CCN4: variants seen among roughly 807,000 people sequenced by gnomAD.
The protein encoded by CCN4 is cellular communication network factor 4, also known as CCN family member 4.
A neutral mutation model predicts 36.7 loss-of-function variants in CCN4; 30 were observed. The ratio of observed to expected loss-of-function variants is 0.82; its 90% CI spans 0.61 to 1.11. The LOEUF is 1.11. Among genes scored for constraint, CCN4 ranks in the 50% least tolerant of loss-of-function variants. The pLI is 0.00. For missense variants in CCN4, 505 were observed against 504.9 expected, an observed-to-expected ratio of 1.00 and a Z score of 0.00; for synonymous variants, 191 against 195.4, an observed-to-expected ratio of 0.98 and a Z score of 0.19.
In CCN4 at chr8:133,225,601, G is replaced by A. The variant is rs776319095; in HGVS notation, c.804+18G>A. 6 of 1,551,736 alleles carry A rather than the reference G, an allele frequency of 3.9e-6. No individual in the cohort carries two copies. The highest frequency in any genetic ancestry group is 5.3e-6 in the Non-Finnish European group (6 of 1,140,990). The stretch of plus-strand genomic sequence containing the variant: ...TCATTAAGGTGGGTCCAGAGCAGGT[G>A]TGGATGTCTAGACTTCACAAGCAGA... On this transcript the variant is annotated intron_variant, in intron 4 of 4. Transcript: ENST00000250160.
At chr8:133,208,685 C>T (rs1225283951) in intron 1 of CCN4, among the ~76,000 whole-genome samples, 1 of 152,126 alleles carries the variant, frequency 6.6e-6, no homozygotes, top group African/African-American at 2.4e-5. Flanking sequence ...GGTACCCTCT[C>T]CTGCTTCCTC....
chr8:133,195,415 G>C (rs1853343102), intron 1 of CCN4, among the ~76,000 whole-genome samples: 1 of 151,928 alleles, frequency 6.6e-6, no homozygotes, highest in African/African-American at 2.4e-5. Flanking sequence ...CAAGTGTATG[G>C]CAAAATATCC....
intron 3 of CCN4, among the ~76,000 whole-genome samples, chr8:133,224,676 T>C (rs1018357810): frequency 1.3e-5 from 2 of 152,158 alleles, no homozygotes; most frequent in African/African-American, 4.8e-5. Flanking sequence ...GGCTTATGCC[T>C]GTAATCCCAA....
chr8:133,194,484 G>A (rs1188239487), intron 1 of CCN4, among the ~76,000 whole-genome samples: 1 of 106,472 alleles, frequency 9.4e-6, no homozygotes, highest in Non-Finnish European at 1.9e-5. Flanking sequence ...TGTGTGTGGT[G>A]GGGGGTGTGG....
Position 133,213,077 on chromosome 8 carries a change from C to G in CCN4, c.283C>G (p.Pro95Ala). The change falls in exon 2 of 5, where the codon CCC becomes GCC. Residue 95 changes from proline (P) to alanine (A), a missense_variant. Physicochemically the swap from Pro to Ala is conservative, Grantham distance 27. Coordinates refer to ENST00000250160, the MANE Select transcript of CCN4 (RefSeq NM_003882.4). Reference protein sequence around the residue: ...DNCTEAAICDPHRGLYCDYSG... With the variant: ...DNCTEAAICDAHRGLYCDYSG... ...CTGCACGGAGGCTGCCATCTGTGAC[C>G]CCCACCGGGGCCTCTACTGTGACTA... 6.2e-7 allele frequency: 1 copy of G among 1,614,114 alleles called. No homozygotes were observed. The highest frequency in any genetic ancestry group is 8.5e-7 in the Non-Finnish European group (1 of 1,179,966).
At chr8:133,195,032 G>T (rs1450196058) in intron 1 of CCN4, among the ~76,000 whole-genome samples, 4 of 146,794 alleles carry the variant, frequency 2.7e-5, no homozygotes, top group Non-Finnish European at 6.0e-5. Flanking sequence ...TGGTATGCGT[G>T]TGTATGCATG....
intron 1 of CCN4, among the ~76,000 whole-genome samples, chr8:133,210,623 T>C (rs1266973340): frequency 7.6e-6 from 1 of 131,716 alleles, no homozygotes; most frequent in Middle Eastern, 3.4e-3. Context: ...GCAGGCAAGA[T>C]TTTTTTTGGC....
rs1254727354 is a variant in CCN4, at chr8:133,212,854, C to T, written c.70-10C>T. ...AGCAGCCCCCCTTTCCCTCTGCCCT[C>T]CCCCCGCAGGCCCTCTCTCCAGCCC... is the stretch of plus-strand genomic sequence containing the variant. On this transcript the variant is annotated splice_polypyrimidine_tract_variant and intron_variant, in intron 1 of 4. Transcript: ENST00000250160. 4 of 1,553,556 alleles carry T rather than the reference C, an allele frequency of 2.6e-6. No homozygotes were observed. Among genetic ancestry groups the T allele is most frequent in the East Asian group, 4.7e-5 (2 of 42,952 alleles).
chr8:133,194,855 G>T (rs1208894841), intron 1 of CCN4, among the ~76,000 whole-genome samples: 4 of 145,122 alleles, frequency 2.8e-5, no homozygotes, highest in Admixed American at 2.7e-4. Context: ...TGGTGTGTGT[G>T]TTGAGTGTGT....
chr8:133,231,381 AT>A lies in CCN4; in HGVS notation c.*3676del, dbSNP rs974971347. 2.0e-5 allele frequency: 3 copies of A among 152,188 alleles called. No homozygotes were observed. Among genetic ancestry groups the A allele is most frequent in the Admixed American group, 6.5e-5 (1 of 15,268 alleles). The allele number at this position is 152,188 out of a possible 1,614,324, so 9.4% of individuals were successfully genotyped here. A position where few individuals can be genotyped will look rare whatever the true frequency, so the allele number is the denominator to read the frequency against. On this transcript the variant is annotated 3_prime_UTR_variant, in exon 5 of 5. Coordinates refer to ENST00000250160, the MANE Select transcript of CCN4 (RefSeq NM_003882.4). The stretch of plus-strand genomic sequence containing the variant: ...TTAATATTTAAATATTCCTACTGCC[AT>A]TTTTGTGACTGAAAAACTACACATG...
At chr8:133,217,559 A>G (rs1300983642) in intron 2 of CCN4, among the ~76,000 whole-genome samples, 1 of 152,088 alleles carries the variant, frequency 6.6e-6, no homozygotes, top group Non-Finnish European at 1.5e-5. Context: ...CATGCATCCC[A>G]CTAGCCTGTG....
At chr8:133,221,824 AATAG>A (rs1271309117) in intron 3 of CCN4, among the ~76,000 whole-genome samples, 2 of 151,256 alleles carry the variant, frequency 1.3e-5, no homozygotes, top group African/African-American at 2.4e-5. Flanking sequence ...CAGATGGATG[AATAG>A]ATAGATGGAT....
chr8:133,204,152 G>C (rs775247315), intron 1 of CCN4, among the ~76,000 whole-genome samples: 4 of 152,170 alleles, frequency 2.6e-5, no homozygotes, highest in Non-Finnish European at 5.9e-5. Flanking sequence ...TAAGGACTTA[G>C]GGGTCTTATC....
chr8:133,217,361 G>A (rs1057342249), intron 2 of CCN4, among the ~76,000 whole-genome samples: 5 of 152,246 alleles, frequency 3.3e-5, no homozygotes, highest in South Asian at 2.1e-4. Flanking sequence ...GGAAGGCCCC[G>A]ATGGCAGAGC....
intron 2 of CCN4, among the ~76,000 whole-genome samples, chr8:133,214,382 C>A (rs893159280): frequency 6.6e-5 from 10 of 150,732 alleles, no homozygotes; most frequent in African/African-American, 2.4e-4. Context: ...TTGTTCACTG[C>A]AGTATGAGAT....
At chr8:133,224,223 T>C (rs1854638377) in intron 3 of CCN4, among the ~76,000 whole-genome samples, 1 of 110,700 alleles carries the variant, frequency 9.0e-6, no homozygotes, top group Non-Finnish European at 1.8e-5. Flanking sequence ...TTGAAGCCCG[T>C]AAGTCCTTTT....
At position 133,191,054 on chromosome 8, in the gene CCN4, G is replaced by C; in HGVS notation, c.-91G>C. Reference sequence around the variant, plus strand: ...CGGAAGAGGCATATCTGGTGCTCCTGATGGGCCGGCCAGTCTGGGCCCAGC... The same window carrying C: ...CGGAAGAGGCATATCTGGTGCTCCTCATGGGCCGGCCAGTCTGGGCCCAGC... On this transcript the variant is annotated 5_prime_UTR_variant, in exon 1 of 5. Transcript: ENST00000250160. The C allele has an allele frequency of 7.0e-7, 1 of 1,422,040 alleles. No individual in the cohort carries two copies. The allele number at this position is 1,422,040 out of a possible 1,614,324, so 88.1% of individuals were successfully genotyped here.
At chr8:133,197,245 A>C (rs1336833382) in intron 1 of CCN4, among the ~76,000 whole-genome samples, 1 of 151,990 alleles carries the variant, frequency 6.6e-6, no homozygotes, top group Non-Finnish European at 1.5e-5. Flanking sequence ...AGCCACTTCC[A>C]GTTTCTAGAG....
At chr8:133,218,933 G>C (rs1373218045) in intron 2 of CCN4, among the ~76,000 whole-genome samples, 1 of 152,016 alleles carries the variant, frequency 6.6e-6, no homozygotes. Context: ...CCTCCTTCTC[G>C]ACTCCTCTCC....
Sources: allele counts gnomAD v4.1 joint callset (sites outside exome capture counted in the v4.1 genomes callset), GRCh38; gene constraint gnomAD v4.1.1; transcripts MANE v1.5; gene names NCBI Gene and HGNC (gene_info 2026-07-23, HGNC 2026-07-21).